PIEZO2: variants seen among roughly 807,000 people sequenced by gnomAD.
The protein encoded by PIEZO2 is piezo-type mechanosensitive ion channel component 2.
PIEZO2 carries 172 observed loss-of-function variants against 337.3 expected under a neutral mutation model. The observed-to-expected ratio is 0.51, with a 90% confidence interval of 0.45 to 0.58. PIEZO2 has a LOEUF of 0.58. Ranked by LOEUF, PIEZO2 falls within the 20% of genes least tolerant of loss-of-function variation. The pLI is 0.00. For missense variants in PIEZO2, 3,028 were observed against 3,391.3 expected (o/e 0.89, Z 2.66); for synonymous variants, 1,251 against 1,228.5 (o/e 1.02, Z -0.38).
intron 2 of PIEZO2, among the ~76,000 whole-genome samples, chr18:11,008,265 G>A (rs2035787460): frequency 6.6e-6 from 1 of 152,178 alleles, no homozygotes; most frequent in Non-Finnish European, 1.5e-5. Flanking sequence ...AGCCACAGCA[G>A]CAGCCTCTGT....
At position 10,767,521 on chromosome 18, in the gene PIEZO2, AGG is replaced by A. The variant is rs2038413874; in HGVS notation, c.2946+2625_2946+2626del. 2.7e-5 allele frequency among the ~76,000 whole-genome samples: 2 copies of A among 73,722 alleles called. No individual in the cohort carries two copies. The highest frequency in any genetic ancestry group is 3.8e-5 in the African/African-American group (1 of 26,226). The allele number at this position is 73,722 out of a possible 152,430, so 48.4% of individuals were successfully genotyped here. A position where few individuals can be genotyped will look rare whatever the true frequency, so the allele number is the denominator to read the frequency against. On this transcript the variant is annotated intron_variant, in intron 21 of 55. Transcript: ENST00000674853. The surrounding 1 kb of genome is among the most constrained non-coding windows in gnomAD (Gnocchi z 4.2). ...TGATGGGGCAGGTGGGGATGCAGGG[AGG>A]AGAACGTCCTCTGCGCGCAGCCCGA...
Position 11,129,057 on chromosome 18 carries a change from G to A in PIEZO2, c.64+19468C>T, listed in dbSNP as rs181796138. ...AAGATGGCCCACTATGAGCGAGCTG[G>A]AAATGCCTGATCTCCCTCAGTTTAA... is the stretch of plus-strand genomic sequence containing the variant. On this transcript the variant is annotated intron_variant, in intron 1 of 55. Coordinates refer to ENST00000674853, the MANE Select transcript of PIEZO2 (RefSeq NM_001378183.1). The surrounding 1 kb of genome is among the most constrained non-coding windows in gnomAD (Gnocchi z 4.6). Among the ~76,000 whole-genome samples, 2 of 152,304 alleles carry A rather than the reference G, an allele frequency of 1.3e-5. No individual in the cohort carries two copies. The highest frequency in any genetic ancestry group is 3.9e-4 in the East Asian group (2 of 5,182).
At position 11,122,224 on chromosome 18, in the gene PIEZO2, G is replaced by T. The variant is rs554996108; in HGVS notation, c.64+26301C>A. Among the ~76,000 whole-genome samples the T allele has an allele frequency of 2.0e-5, 3 of 152,182 alleles. No homozygotes were observed. In the East Asian group the frequency reaches 5.8e-4, roughly 29 times the overall value. ...CCCGCCTCGGCCTCCCAAAGTGCTG[G>T]GATTACAGGCGTGAGCCACCGCACC... On this transcript the variant is annotated intron_variant, in intron 1 of 55. Transcript: ENST00000674853.
intron 2 of PIEZO2, among the ~76,000 whole-genome samples, chr18:11,008,817 T>TA (rs2035802855): frequency 6.6e-6 from 1 of 152,186 alleles, no homozygotes; most frequent in Admixed American, 6.5e-5. Flanking sequence ...ACAGGCCAGC[T>TA]AGGTGATTTA....
rs554994376 is a variant in PIEZO2 at position 10,980,299 on chromosome 18, A to G, written c.161-639T>C. ...GTGGGTTGCTATCATGGTTTTCTCA[A>G]TTGGCACCAAAGAAATGTTTCATAA... On this transcript the variant is annotated intron_variant, in intron 2 of 55. Coordinates refer to ENST00000674853, the MANE Select transcript of PIEZO2 (RefSeq NM_001378183.1). The surrounding 1 kb of genome is among the most constrained non-coding windows in gnomAD (Gnocchi z 4.8). Among the ~76,000 whole-genome samples the G allele has an allele frequency of 6.6e-6, 1 of 152,312 alleles. No homozygotes were observed. The highest frequency in any genetic ancestry group is 2.1e-4 in the South Asian group (1 of 4,830).
intron 1 of PIEZO2, among the ~76,000 whole-genome samples, chr18:11,114,417 G>A (rs1279247873): frequency 1.3e-5 from 2 of 152,222 alleles, no homozygotes; most frequent in Non-Finnish European, 2.9e-5. Flanking sequence ...TGTAATCCCA[G>A]CACTTTGGGA....
At chr18:11,011,652 C>T (rs1301879770) in intron 2 of PIEZO2, among the ~76,000 whole-genome samples, 3 of 152,110 alleles carry the variant, frequency 2.0e-5, no homozygotes, top group Admixed American at 6.6e-5. Flanking sequence ...CTATCATATT[C>T]ATTTTTCTAT....
chr18:10,831,139 T>C (rs1250704335), intron 7 of PIEZO2, among the ~76,000 whole-genome samples: 3 of 151,940 alleles, frequency 2.0e-5, no homozygotes, highest in Admixed American at 6.5e-5. Flanking sequence ...AAACTAAAAA[T>C]AGAGCTACCA....
intron 5 of PIEZO2, among the ~76,000 whole-genome samples, chr18:10,860,530 C>A (rs2041845339): frequency 1.3e-5 from 2 of 152,162 alleles, no homozygotes; most frequent in African/African-American, 2.4e-5. Flanking sequence ...CCCACACCAT[C>A]GTCAACACAC....
intron 2 of PIEZO2, among the ~76,000 whole-genome samples, chr18:11,013,389 T>G (rs2035973588): frequency 6.6e-6 from 1 of 152,144 alleles, no homozygotes; most frequent in African/African-American, 2.4e-5. Context: ...GCCCTTGACT[T>G]TAGCTCATTT....
At position 10,942,657 on chromosome 18, in the gene PIEZO2, A is replaced by G. The variant is rs2032790400; in HGVS notation, c.287-31429T>C. ...AAATTTGCAGCCTGACAATGCAATA[A>G]AAAAGAAAATCCCATTTTCTGTGGA... On this transcript the variant is annotated intron_variant, in intron 3 of 55. Coordinates refer to ENST00000674853, the MANE Select transcript of PIEZO2 (RefSeq NM_001378183.1). This position sits in a 1 kb window ranked among gnomAD's most constrained non-coding sequence, Gnocchi z 4.4. 6.6e-6 allele frequency among the ~76,000 whole-genome samples: 1 copy of G among 152,214 alleles called. No homozygotes were observed. The highest frequency in any genetic ancestry group is 2.4e-5 in the African/African-American group (1 of 41,454).
chr18:11,056,978 T>A (rs1405727707), intron 2 of PIEZO2, among the ~76,000 whole-genome samples: 1 of 152,236 alleles, frequency 6.6e-6, no homozygotes, highest in Admixed American at 6.5e-5. Context: ...GAATATTCTG[T>A]GCATTGAATG....
Position 10,712,726 on chromosome 18 carries a change from T to C in PIEZO2, c.5423+2038A>G, listed in dbSNP as rs562390701. On this transcript the variant is annotated intron_variant, in intron 39 of 55. Transcript: ENST00000674853. ...ACTAATGGTTTCAGAAATTAATAAT[T>C]GAGAAATGTGCATATTCTTGGGTAG... Among the ~76,000 whole-genome samples the C allele has an allele frequency of 1.8e-3, 278 of 152,336 alleles. 4 individuals are homozygous for C. Among genetic ancestry groups the C allele is most frequent in the African/African-American group, 6.4e-3 (268 of 41,582 alleles).
chr18:10,770,805 C>A (rs771265284), intron 20 of PIEZO2, among the ~76,000 whole-genome samples: 35 of 146,294 alleles, frequency 2.4e-4, no homozygotes, highest in Non-Finnish European at 4.6e-4. Flanking sequence ...TGCAGTGGCA[C>A]AATCTCGGCT....
intron 51 of PIEZO2, among the ~76,000 whole-genome samples, chr18:10,680,804 T>C (rs1265779926): frequency 6.6e-6 from 1 of 152,200 alleles, no homozygotes; most frequent in Non-Finnish European, 1.5e-5. Context: ...GTGTGCATTA[T>C]AGGTGATAAT....
In PIEZO2 at chr18:10,681,737, C is replaced by T; in HGVS notation, c.7703G>A (p.Ser2568Asn). The T allele has an allele frequency of 6.2e-7, 1 of 1,610,082 alleles. No homozygotes were observed. The highest frequency in any genetic ancestry group is 8.5e-7 in the Non-Finnish European group (1 of 1,176,402). Reference sequence around the variant, plus strand: ...AACTTTCAACTGGCTTTGTTGGGCACTCATTGTGAAAATAGGCTGGAAAAC... The same window carrying T: ...AACTTTCAACTGGCTTTGTTGGGCATTCATTGTGAAAATAGGCTGGAAAAC... ...LGGYQPIFTMSAQQSQLKVMD... is the reference protein window; with the variant it reads ...LGGYQPIFTMNAQQSQLKVMD... The change falls in exon 51 of 56, where the codon AGT (serine) becomes AAT (asparagine). Residue 2568 changes from serine to asparagine, a missense_variant. Ser to Asn is a conservative substitution (Grantham distance 46). Coordinates refer to ENST00000674853, the MANE Select transcript of PIEZO2 (RefSeq NM_001378183.1).
At chr18:10,679,857 G>C (rs2034184097) in intron 52 of PIEZO2, among the ~76,000 whole-genome samples, 1 of 152,032 alleles carries the variant, frequency 6.6e-6, no homozygotes. Flanking sequence ...TTCACCAATT[G>C]TACATTAAGC....
intron 3 of PIEZO2, among the ~76,000 whole-genome samples, chr18:10,920,478 T>C (rs1207707786): frequency 6.6e-6 from 1 of 152,160 alleles, no homozygotes; most frequent in African/African-American, 2.4e-5. Flanking sequence ...TATTTAAATG[T>C]AGTGGGTAGT....
At chr18:11,018,582 T>A (rs1294449521) in intron 2 of PIEZO2, among the ~76,000 whole-genome samples, 1 of 152,164 alleles carries the variant, frequency 6.6e-6, no homozygotes, top group Non-Finnish European at 1.5e-5. Context: ...CAGCAGCCAC[T>A]GAACGGTGGG....
Sources: gnomAD v4.1 joint callset for allele counts (sites outside exome capture counted in the v4.1 genomes callset) on GRCh38, gnomAD v4.1.1 for gene constraint, Gnocchi (gnomAD v3.1) non-coding constraint, MANE v1.5 for transcripts, NCBI Gene and HGNC (gene_info 2026-07-23, HGNC 2026-07-21) for gene names.